RFC1: variants seen among roughly 807,000 people sequenced by gnomAD.
RFC1 encodes the protein replication factor C subunit 1, also known as A1 140 kDa subunit.
RFC1 carries 37 observed loss-of-function variants against 137.4 expected under a neutral mutation model. The ratio of observed to expected loss-of-function variants is 0.27; its 90% CI spans 0.21 to 0.35. RFC1 has a LOEUF of 0.35. Among genes scored for constraint, RFC1 ranks in the 10% least tolerant of loss-of-function variants. The pLI is 1.00. For missense variants in RFC1, 1,205 were observed against 1,358.5 expected (o/e 0.89, Z 1.78); for synonymous variants, 429 against 455.7 (o/e 0.94, Z 0.75).
In RFC1 at chr4:39,308,618, G is replaced by A. The variant is rs1441238990; in HGVS notation, c.1885+18C>T. 6.3e-7 allele frequency: 1 copy of A among 1,599,266 alleles called. No individual in the cohort carries two copies. Among genetic ancestry groups the A allele is most frequent in the Non-Finnish European group, 8.5e-7 (1 of 1,170,964 alleles). On this transcript the variant is annotated intron_variant, in intron 13 of 24. Transcript: ENST00000349703. ...TTGATATACACACACACAAAAATGA[G>A]TGAGGTTGTAAAATCACCGTGTTTT...
chr4:39,325,575 A>T (rs1431754565), intron 6 of RFC1, among the ~76,000 whole-genome samples: 2 of 151,850 alleles, frequency 1.3e-5, no homozygotes, highest in Non-Finnish European at 2.9e-5. Context: ...TAGAGATGGG[A>T]TTTCCCTATG....
At chr4:39,297,025 G>T (rs1378019106) in intron 21 of RFC1, among the ~76,000 whole-genome samples, 1 of 150,470 alleles carries the variant, frequency 6.6e-6, no homozygotes, top group Non-Finnish European at 1.5e-5. Flanking sequence ...ATTTTTTCAT[G>T]TGTTTTTTGG....
intron 4 of RFC1, among the ~76,000 whole-genome samples, chr4:39,335,695 T>C (rs1234046846): frequency 3.3e-5 from 5 of 152,092 alleles, no homozygotes; most frequent in Admixed American, 3.3e-4. Context: ...CTTACAATTC[T>C]AAGGCATAAA....
intron 4 of RFC1, among the ~76,000 whole-genome samples, chr4:39,329,125 C>CAAAAAAAA (rs1739940741): frequency 3.9e-4 from 1 of 2,542 alleles, no homozygotes; most frequent in Non-Finnish European, 7.0e-4. Context: ...TTCAGTGACT[C>CAAAAAAAA]ACAAAAAAAA....
At chr4:39,291,914 A>C in intron 22 of RFC1, 62 bp from the exon 23 acceptor site, 2 of 1,169,394 alleles carry the variant, frequency 1.7e-6, no homozygotes. Flanking sequence ...CATACTGTGC[A>C]TAACAGCACT....
Position 39,300,389 on chromosome 4 carries a change from A to G in RFC1, c.2561T>C (p.Val854Ala). ...KMGPFDVARK[V>A]FAAGEETAHM... ...AGCAGTCTCCTCTCCAGCTGCAAAC[A>G]CTTTCCGGGCAACATCAAATGGGCC... The change falls in exon 20 of 25, where the codon GTG (valine) becomes GCG (alanine). Residue 854 changes from valine to alanine, a missense_variant. Val to Ala is a moderately conservative substitution (Grantham distance 64, BLOSUM62 0). Coordinates refer to ENST00000349703, the MANE Select transcript of RFC1 (RefSeq NM_002913.5). The G allele has an allele frequency of 6.2e-7, 1 of 1,614,172 alleles. No individual in the cohort carries two copies. Among genetic ancestry groups the G allele is most frequent in the Non-Finnish European group, 8.5e-7 (1 of 1,179,996 alleles).
chr4:39,295,807 T>A (rs771212722), intron 21 of RFC1, 48 bp from the exon 22 acceptor site: 49 of 1,561,584 alleles, frequency 3.1e-5, no homozygotes, highest in Non-Finnish European at 4.3e-5. Context: ...CGTACAAAGT[T>A]ACTTCCTTAA....
At chr4:39,304,764 G>T in intron 15 of RFC1, 50 bp downstream of exon 15, 4 of 1,035,926 alleles carry the variant, frequency 3.9e-6, no homozygotes, top group South Asian at 2.5e-5. Context: ...ACATTGAAAT[G>T]AACATATTTT....
intron 2 of RFC1, among the ~76,000 whole-genome samples, chr4:39,347,621 ATT>A (rs1740921029): frequency 6.6e-6 from 1 of 152,192 alleles, no homozygotes. Context: ...GAGGCTAGAT[ATT>A]TTCTAGCATG....
intron 4 of RFC1, among the ~76,000 whole-genome samples, chr4:39,328,089 C>T (rs1008634512): frequency 3.3e-5 from 5 of 152,158 alleles, no homozygotes; most frequent in Non-Finnish European, 5.9e-5. Flanking sequence ...GCTGTGATTG[C>T]ACCACTGCAC....
At chr4:39,342,319 T>C (rs574870446) in intron 4 of RFC1, 26 bp downstream of exon 4, 7 of 1,599,370 alleles carry the variant, frequency 4.4e-6, no homozygotes, top group Non-Finnish European at 6.0e-6. Flanking sequence ...ACACACGGCA[T>C]CTCATATACC....
chr4:39,327,711 T>C lies in RFC1; in HGVS notation c.377A>G (p.Lys126Arg). 6.2e-7 allele frequency: 1 copy of C among 1,612,544 alleles called. No homozygotes were observed. Among genetic ancestry groups the C allele is most frequent in the Non-Finnish European group, 8.5e-7 (1 of 1,179,554 alleles). Residue 126 changes from lysine (K) to arginine (R), a missense_variant, in exon 5 of 25, where the codon AAA (lysine) becomes AGA (arginine). By Grantham distance (26) the Lys-to-Arg change is conservative. Transcript: ENST00000349703. ...ACTATTTGTAGATCTTCCATTCTCT[T>C]TTGATTTAGAGGCCGCCTTCTTACA... Reference protein sequence around the residue: ...FMCKKAASKSKENGRSTNSHL... With the variant: ...FMCKKAASKSRENGRSTNSHL...
intron 12 of RFC1, among the ~76,000 whole-genome samples, chr4:39,310,404 AAC>A (rs1738909840): frequency 6.6e-6 from 1 of 152,226 alleles, no homozygotes. Flanking sequence ...TGGTTTTTAT[AAC>A]TATGCTATGG....
At chr4:39,308,487 G>A in intron 13 of RFC1, 149 bp downstream of exon 13, 1 of 1,041,214 alleles carries the variant, frequency 9.6e-7, no homozygotes, top group Non-Finnish European at 1.4e-6. Context: ...CCACCAGCAG[G>A]GTCTAGTACT....
Position 39,293,034 on chromosome 4 carries a change from G to C in RFC1, c.2955-1182C>G, listed in dbSNP as rs114479637. Among the ~76,000 whole-genome samples the C allele has an allele frequency of 3.3e-3, 501 of 152,270 alleles. 2 individuals are homozygous for C. The highest frequency in any genetic ancestry group is 0.012 in the African/African-American group (480 of 41,526). ...TCTTTACAAATTGTCTATGGGTCCT[G>C]CTCCTGCCTTCAAGGAACTGAATGT... On this transcript the variant is annotated intron_variant, in intron 22 of 24. Coordinates refer to ENST00000349703, the MANE Select transcript of RFC1 (RefSeq NM_002913.5).
At chr4:39,347,352 C>T (rs905565095) in intron 2 of RFC1, among the ~76,000 whole-genome samples, 5 of 152,144 alleles carry the variant, frequency 3.3e-5, no homozygotes, top group African/African-American at 7.2e-5. Context: ...TCCTCCTGCC[C>T]GACTGCCTTA....
At chr4:39,341,830 A>G (rs1310710258) in intron 4 of RFC1, among the ~76,000 whole-genome samples, 1 of 152,244 alleles carries the variant, frequency 6.6e-6, no homozygotes, top group Non-Finnish European at 1.5e-5. Context: ...AATTATTTAT[A>G]AATGTCCTTT....
chr4:39,302,556 T>C lies in RFC1; in HGVS notation c.2380A>G (p.Ile794Val). The stretch of plus-strand genomic sequence containing the variant: ...ATTTCATTCATAGCTGGAGGGGGAA[T>C]CTTTAAACCTTCTTTAAATGCAATA... Reference protein sequence around the residue: ...MSIAFKEGLKIPPPAMNEIIL... With the variant: ...MSIAFKEGLKVPPPAMNEIIL... The change falls in exon 18 of 25, where the codon ATT (isoleucine) becomes GTT (valine). Residue 794 changes from isoleucine (I) to valine (V), a missense_variant. Transcript: ENST00000349703. The C allele has an allele frequency of 1.2e-6, 2 of 1,611,722 alleles. No individual in the cohort carries two copies. The highest frequency in any genetic ancestry group is 8.5e-7 in the Non-Finnish European group (1 of 1,178,368).
At position 39,302,871 on chromosome 4, in the gene RFC1, A is replaced by C; in HGVS notation, c.2206T>G (p.Leu736Val). ...TTAGTATGTTTTATCAGGCCAATTAATTCCTGAAAGGCAAGTTTGCAACAC... is the reference window on the plus strand; with the variant it reads ...TTAGTATGTTTTATCAGGCCAATTACTTCCTGAAAGGCAAGTTTGCAACAC... ...GNEDRGGIQE[L>V]IGLIKHTKIP... The change falls in exon 17 of 25, where the codon TTA becomes GTA. Residue 736 changes from leucine to valine, a missense_variant. Around this residue, in one of 3 missense-constraint regions of RFC1, gnomAD observed 962 missense variants for 1,035.3 expected, o/e 0.93. Transcript: ENST00000349703. 6.3e-7 allele frequency: 1 copy of C among 1,578,304 alleles called. No homozygotes were observed. The highest frequency in any genetic ancestry group is 1.7e-4 in the Middle Eastern group (1 of 5,868).
Sources: allele counts gnomAD v4.1 joint callset (sites outside exome capture counted in the v4.1 genomes callset), GRCh38; gene constraint gnomAD v4.1.1; regional missense constraint gnomAD v4.1.1; transcripts MANE v1.5; gene names NCBI Gene and HGNC (gene_info 2026-07-23, HGNC 2026-07-21).